HRH4: variants seen among roughly 807,000 people sequenced by gnomAD.
HRH4 encodes the protein histamine receptor H4.
Under a neutral mutation model 10.4 loss-of-function variants are expected in HRH4, and 12 were observed. The ratio of observed to expected loss-of-function variants is 1.15; its 90% CI spans 0.74 to 1.87. The LOEUF is 1.87. HRH4 is among the 40% of genes most tolerant of loss of function. The probability of loss-of-function intolerance (pLI) is 0.00; values close to 1 mark genes in which losing one functional copy is unlikely to be tolerated. For synonymous variants in HRH4, 154 were observed against 166.6 expected, an observed-to-expected ratio of 0.92 and a Z score of 0.58; for missense variants, 415 against 453.3, an observed-to-expected ratio of 0.92 and a Z score of 0.77.
rs1910222789 is a variant in HRH4, at chr18:24,478,847, A to G, written c.*1285A>G. 6.6e-6 allele frequency: 1 copy of G among 151,964 alleles called. No homozygotes were observed. Among genetic ancestry groups the G allele is most frequent in the South Asian group, 2.1e-4 (1 of 4,820 alleles). 9.4% of individuals were successfully genotyped at this position (151,964 alleles called of 1,614,324 possible). A position where few individuals can be genotyped will look rare whatever the true frequency, so the allele number is the denominator to read the frequency against. ...GCCACCACACCTGGATAATTAAAAAATTATTTCTGTAGAGATGAAGTCTCA... is the reference window on the plus strand; with the variant it reads ...GCCACCACACCTGGATAATTAAAAAGTTATTTCTGTAGAGATGAAGTCTCA... On this transcript the variant is annotated 3_prime_UTR_variant, in exon 3 of 3. Transcript: ENST00000256906.
At chr18:24,468,678 T>C in intron 1 of HRH4, 110 bp from the exon 2 acceptor site, 1 of 1,005,052 alleles carries the variant, frequency 9.9e-7, no homozygotes. Flanking sequence ...TAGAGACAAA[T>C]CATTTGTAGT....
Position 24,477,825 on chromosome 18 carries a change from T to C in HRH4, c.*263T>C, listed in dbSNP as rs2144387161. The C allele has an allele frequency of 9.3e-6, 3 of 322,536 alleles. No individual in the cohort carries two copies. The East Asian group carries it at 1.5e-4, about 16-fold the overall frequency. The allele number at this position is 322,536 out of a possible 1,614,324, so 20.0% of individuals were successfully genotyped here. A position where few individuals can be genotyped will look rare whatever the true frequency, so the allele number is the denominator to read the frequency against. ...TTCATGCTGATTACAAAAATCCAGTTTTGTTTTCTTTCTATGTTCCATGCA... is the reference window on the plus strand; with the variant it reads ...TTCATGCTGATTACAAAAATCCAGTCTTGTTTTCTTTCTATGTTCCATGCA... On this transcript the variant is annotated 3_prime_UTR_variant, in exon 3 of 3. Transcript: ENST00000256906.
intron 1 of HRH4, 59 bp from the exon 2 acceptor site, chr18:24,468,729 T>G: frequency 7.1e-7 from 1 of 1,418,226 alleles, no homozygotes; most frequent in Non-Finnish European, 9.6e-7. Context: ...CATTAAAACA[T>G]GCACATTTGT....
intron 2 of HRH4, among the ~76,000 whole-genome samples, chr18:24,469,961 G>A (rs1328922453): frequency 6.6e-6 from 1 of 151,924 alleles, no homozygotes; most frequent in East Asian, 1.9e-4. Context: ...TTCTTTTTTT[G>A]TGTGAGTCTG....
chr18:24,469,504 C>T (rs1909876629), intron 2 of HRH4, among the ~76,000 whole-genome samples: 1 of 152,204 alleles, frequency 6.6e-6, no homozygotes, highest in African/African-American at 2.4e-5. Context: ...GGAATAGCCT[C>T]ATCTACGAGT....
rs1044570349 is a variant in HRH4 at position 24,461,021 on chromosome 18, T to C, written c.193+100T>C. 5 of 860,534 alleles carry C rather than the reference T, an allele frequency of 5.8e-6. No homozygotes were observed. In the African/African-American group the frequency reaches 8.4e-5, roughly 14 times the overall value. The allele number at this position is 860,534 out of a possible 1,614,324, so 53.3% of individuals were successfully genotyped here. On this transcript the variant is annotated intron_variant, in intron 1 of 2. Coordinates refer to ENST00000256906, the MANE Select transcript of HRH4 (RefSeq NM_021624.4). Reference sequence around the variant, plus strand: ...GTTATTTCAGGGGACTGTATACAACTGGGGAAAAATAAACACAAAAAGTTT... The same window carrying C: ...GTTATTTCAGGGGACTGTATACAACCGGGGAAAAATAAACACAAAAAGTTT...
chr18:24,460,752 C>A lies in HRH4; in HGVS notation c.24C>A (p.Ile8=). MPDTNST[I]NLSLSTRVTL... is the part of the protein sequence containing the mutation. ...TGATGCCAGATACTAATAGCACAAT[C>A]AATTTATCACTAAGCACTCGTGTTA... Residue 8 remains isoleucine, a synonymous_variant, in exon 1 of 3, where the codon ATC becomes ATA. Coordinates refer to ENST00000256906, the MANE Select transcript of HRH4 (RefSeq NM_021624.4). 1.3e-6 allele frequency: 2 copies of A among 1,519,882 alleles called. No individual in the cohort carries two copies. Among genetic ancestry groups the A allele is most frequent in the South Asian group, 2.7e-5 (2 of 74,892 alleles). 94.1% of individuals were successfully genotyped at this position (1,519,882 alleles called of 1,614,324 possible). A position where few individuals can be genotyped will look rare whatever the true frequency, so the allele number is the denominator to read the frequency against.
At chr18:24,464,436 G>T (rs4483927) in intron 1 of HRH4, among the ~76,000 whole-genome samples, 109,291 of 151,972 alleles carry the variant, frequency 0.72, 39,801 homozygotes, top group Admixed American at 0.77. Context: ...GAAGGTCTTA[G>T]TTCCAAATAT....
intron 1 of HRH4, among the ~76,000 whole-genome samples, chr18:24,464,109 T>A (rs1909712774): frequency 1.3e-5 from 2 of 152,178 alleles, no homozygotes; most frequent in African/African-American, 4.8e-5. Context: ...TCAAGACTCT[T>A]TTCTGGCCTT....
intron 2 of HRH4, among the ~76,000 whole-genome samples, chr18:24,473,522 C>G (rs2144379968): frequency 6.6e-6 from 1 of 152,286 alleles, no homozygotes; most frequent in South Asian, 2.1e-4. Context: ...TCCCTCCAGT[C>G]TTTACATCTG....
In HRH4 at chr18:24,479,412, G is replaced by A. The variant is rs1050106010; in HGVS notation, c.*1850G>A. The A allele has an allele frequency of 2.0e-5, 3 of 152,160 alleles. No homozygotes were observed. Among genetic ancestry groups the A allele is most frequent in the Admixed American group, 1.3e-4 (2 of 15,270 alleles). The allele number at this position is 152,160 out of a possible 1,614,324, so 9.4% of individuals were successfully genotyped here. ...TTAGCATAGGTTATACTTTGCTGAC[G>A]ATTCACATTTTATTAGTTTGGTTAT... On this transcript the variant is annotated 3_prime_UTR_variant, in exon 3 of 3. Transcript: ENST00000256906.
chr18:24,478,526 C>G lies in HRH4; in HGVS notation c.*964C>G, dbSNP rs938758798. 10 of 152,300 alleles carry G rather than the reference C, an allele frequency of 6.6e-5. No homozygotes were observed. Among genetic ancestry groups the G allele is most frequent in the African/African-American group, 2.4e-4 (10 of 41,474 alleles). The allele number at this position is 152,300 out of a possible 1,614,324, so 9.4% of individuals were successfully genotyped here. A position where few individuals can be genotyped will look rare whatever the true frequency, so the allele number is the denominator to read the frequency against. ...CCTGGCCAACATGGTGAAACCCCATCTGTACTAAAATACAAACAAGTAGCT... is the reference window on the plus strand; with the variant it reads ...CCTGGCCAACATGGTGAAACCCCATGTGTACTAAAATACAAACAAGTAGCT... On this transcript the variant is annotated 3_prime_UTR_variant, in exon 3 of 3. Transcript: ENST00000256906.
chr18:24,463,654 G>A (rs186303810), intron 1 of HRH4, among the ~76,000 whole-genome samples: 15 of 152,298 alleles, frequency 9.8e-5, no homozygotes, highest in African/African-American at 3.4e-4. Context: ...ACCCTCACAT[G>A]TGCTTGGAAC....
In HRH4 at chr18:24,468,934, C is replaced by G; in HGVS notation, c.340C>G (p.Leu114Val). ...NIVLISYDRYLSVSNAVSYRT... is the reference protein window; with the variant it reads ...NIVLISYDRYVSVSNAVSYRT... ...TGTCCTCATCAGCTATGATCGATAC[C>G]TGTCAGTCTCAAATGCTGTAAGTCG... The change falls in exon 2 of 3, where the codon CTG becomes GTG. Residue 114 changes from leucine to valine, a missense_variant. Transcript: ENST00000256906. 1 of 1,605,746 alleles carries G rather than the reference C, an allele frequency of 6.2e-7. No individual in the cohort carries two copies. Among genetic ancestry groups the G allele is most frequent in the Non-Finnish European group, 8.5e-7 (1 of 1,176,296 alleles).
At chr18:24,471,249 A>T (rs1190622907) in intron 2 of HRH4, among the ~76,000 whole-genome samples, 4 of 152,012 alleles carry the variant, frequency 2.6e-5, no homozygotes, top group African/African-American at 9.7e-5. Context: ...CCCATTATTG[A>T]TTTATGAAAT....
intron 2 of HRH4, among the ~76,000 whole-genome samples, chr18:24,470,974 G>C (rs111497038): frequency 7.9e-4 from 119 of 149,802 alleles, no homozygotes; most frequent in African/African-American, 2.7e-3. Flanking sequence ...AGTCATTTCC[G>C]CTTACATTTT....
chr18:24,469,313 T>A (rs2144373233), intron 2 of HRH4, among the ~76,000 whole-genome samples: 1 of 152,290 alleles, frequency 6.6e-6, no homozygotes, highest in East Asian at 1.9e-4. Flanking sequence ...GAATGGAACT[T>A]GGAGGGCAGT....
At chr18:24,470,807 A>G (rs537419629) in intron 2 of HRH4, among the ~76,000 whole-genome samples, 1 of 150,084 alleles carries the variant, frequency 6.7e-6, no homozygotes, top group Admixed American at 6.7e-5. Flanking sequence ...CCTAGCCCAT[A>G]TTTGTTTCAC....
intron 1 of HRH4, 150 bp from the exon 2 acceptor site, chr18:24,468,638 T>C: frequency 1.3e-6 from 1 of 746,888 alleles, no homozygotes; most frequent in Non-Finnish European, 2.1e-6. Flanking sequence ...AGTCCTGAGC[T>C]GCTTGATGAA....
Sources: gnomAD v4.1 joint callset for allele counts (sites outside exome capture counted in the v4.1 genomes callset) on GRCh38, gnomAD v4.1.1 for gene constraint, MANE v1.5 for transcripts, NCBI Gene and HGNC (gene_info 2026-07-23, HGNC 2026-07-21) for gene names.